Variants in DNAJB6 observed in about 807,000 individuals in gnomAD.
DNAJB6 encodes dnaJ homolog subfamily B member 6.
In DNAJB6, 16 loss-of-function variants were observed where a neutral mutation model predicts 42.7. The ratio of observed to expected loss-of-function variants is 0.37; its 90% CI spans 0.25 to 0.57. The LOEUF (loss-of-function observed/expected upper bound fraction) is 0.57, where lower values mean the gene tolerates loss of function less well. Ranked by LOEUF, DNAJB6 falls within the 20% of genes least tolerant of loss-of-function variation. DNAJB6 has a pLI of 0.74. For synonymous variants in DNAJB6, 170 were observed against 163.5 expected (o/e 1.04, Z -0.30); for missense variants, 347 against 416.8 (o/e 0.83, Z 1.46).
intron 5 of DNAJB6, among the ~76,000 whole-genome samples, chr7:157,376,634 A>C (rs1434543056): frequency 6.6e-6 from 1 of 152,170 alleles, no homozygotes; most frequent in East Asian, 1.9e-4. Flanking sequence ...TAATCCCTGC[A>C]CTTTGGGAGG....
chr7:157,341,621 T>C (rs1798386812), intron 1 of DNAJB6, among the ~76,000 whole-genome samples: 1 of 152,248 alleles, frequency 6.6e-6, no homozygotes, highest in East Asian at 1.9e-4. Flanking sequence ...TTATGAACTG[T>C]GTACTAATAC....
At chr7:157,339,006 A>T (rs1014142351) in intron 1 of DNAJB6, among the ~76,000 whole-genome samples, 1 of 152,180 alleles carries the variant, frequency 6.6e-6, no homozygotes, top group African/African-American at 2.4e-5. Flanking sequence ...CTGGATATGA[A>T]AGTGTTAGGT....
chr7:157,382,194 G>GAA, intron 5 of DNAJB6, 52 bp from the exon 6 acceptor site: 1 of 1,522,156 alleles, frequency 6.6e-7, no homozygotes, highest in Non-Finnish European at 8.8e-7. Flanking sequence ...ATCACATGAG[G>GAA]AAAAAAACTT....
chr7:157,351,661 C>CAA (rs996992597), intron 1 of DNAJB6, among the ~76,000 whole-genome samples: 6 of 36,386 alleles, frequency 1.6e-4, no homozygotes, highest in Non-Finnish European at 3.6e-4. Flanking sequence ...ACAACAACAA[C>CAA]AAAAAAAACC....
intron 8 of DNAJB6, among the ~76,000 whole-genome samples, chr7:157,407,315 G>T (rs1249700594): frequency 6.6e-6 from 1 of 152,232 alleles, no homozygotes; most frequent in African/African-American, 2.4e-5. Context: ...GGCTCTTCTG[G>T]CGGCAGTGAC....
intron 5 of DNAJB6, among the ~76,000 whole-genome samples, chr7:157,374,054 A>G (rs1160160774): frequency 2.6e-5 from 4 of 152,156 alleles, no homozygotes; most frequent in Non-Finnish European, 5.9e-5. Context: ...TGAAACCGTG[A>G]TGTACGAGAC....
chr7:157,351,370 T>G (rs1009892489), intron 1 of DNAJB6, among the ~76,000 whole-genome samples: 2 of 152,238 alleles, frequency 1.3e-5, no homozygotes, highest in Middle Eastern at 3.4e-3. Flanking sequence ...GGCTCATGTC[T>G]GTAATCCCAG....
chr7:157,343,816 T>C (rs1408368691), intron 1 of DNAJB6, among the ~76,000 whole-genome samples: 1 of 152,218 alleles, frequency 6.6e-6, no homozygotes, highest in Non-Finnish European at 1.5e-5. Flanking sequence ...AGAAGGTTAT[T>C]TTTGATTAAT....
intron 1 of DNAJB6, among the ~76,000 whole-genome samples, chr7:157,343,973 G>C (rs1318547576): frequency 1.3e-5 from 2 of 152,130 alleles, no homozygotes; most frequent in Non-Finnish European, 2.9e-5. Flanking sequence ...TAATTGAAAA[G>C]TTTTCTATGG....
At chr7:157,374,779 G>C (rs1800389032) in intron 5 of DNAJB6, among the ~76,000 whole-genome samples, 1 of 152,182 alleles carries the variant, frequency 6.6e-6, no homozygotes, top group Non-Finnish European at 1.5e-5. Flanking sequence ...CCCTCTAAAA[G>C]GCTTGAGCCA....
chr7:157,371,674 CTT>C (rs1284452263), intron 5 of DNAJB6, among the ~76,000 whole-genome samples: 1 of 152,204 alleles, frequency 6.6e-6, no homozygotes, highest in Non-Finnish European at 1.5e-5. Flanking sequence ...CAAATGAGCT[CTT>C]GTCGAAATGT....
intron 2 of DNAJB6, among the ~76,000 whole-genome samples, chr7:157,361,813 G>T (rs191472750): frequency 3.3e-5 from 5 of 152,264 alleles, no homozygotes; most frequent in African/African-American, 9.6e-5. Flanking sequence ...CTGTCACCTA[G>T]CCTGGAGTTC....
intron 1 of DNAJB6, among the ~76,000 whole-genome samples, chr7:157,348,057 A>G (rs944082689): frequency 2.6e-5 from 4 of 151,450 alleles, no homozygotes; most frequent in South Asian, 2.1e-4. Flanking sequence ...CAGCCTCCCA[A>G]AGTGCTGGGA....
At chr7:157,362,808 G>C (rs116328535) in intron 2 of DNAJB6, among the ~76,000 whole-genome samples, 1,582 of 152,072 alleles carry the variant, frequency 0.01, 23 homozygotes, top group African/African-American at 0.036. Flanking sequence ...ACTTTAATGA[G>C]TATTTTTACA....
At chr7:157,356,851 A>G (rs1444976686) in intron 1 of DNAJB6, among the ~76,000 whole-genome samples, 1 of 152,212 alleles carries the variant, frequency 6.6e-6, no homozygotes, top group African/African-American at 2.4e-5. Context: ...AACACCTAGA[A>G]TCTTTGCTGT....
chr7:157,385,711 C>G, intron 8 of DNAJB6, 100 bp downstream of exon 8: 1 of 1,563,774 alleles, frequency 6.4e-7, no homozygotes, highest in East Asian at 2.3e-5. Context: ...TTAACAGGAA[C>G]ATTTTTTTGA....
chr7:157,343,082 C>T (rs1362837935), intron 1 of DNAJB6, among the ~76,000 whole-genome samples: 1 of 151,810 alleles, frequency 6.6e-6, no homozygotes, highest in African/African-American at 2.4e-5. Context: ...ACCTTTGCCT[C>T]CCAGGCTCAA....
intron 1 of DNAJB6, among the ~76,000 whole-genome samples, chr7:157,349,539 G>C (rs1798864055): frequency 1.3e-5 from 2 of 152,034 alleles, no homozygotes; most frequent in South Asian, 2.1e-4. Context: ...TTGGCGTGCA[G>C]TGGTAAAATC....
rs151207456 is a variant in DNAJB6, at chr7:157,365,357, T to C, written c.176-1145T>C. On this transcript the variant is annotated intron_variant, in intron 3 of 9. Transcript: ENST00000262177. The stretch of plus-strand genomic sequence containing the variant: ...ATATAAGTAGCATTTGGAATGTAAG[T>C]GTGAAGACTGTCAGTGGAGAGGGGC... 4.7e-4 allele frequency among the ~76,000 whole-genome samples: 71 copies of C among 152,356 alleles called. 1 individual carries two copies. The East Asian group carries it at 0.012, about 25-fold the overall frequency.
Sources: gnomAD v4.1 joint callset for allele counts (sites outside exome capture counted in the v4.1 genomes callset) on GRCh38, gnomAD v4.1.1 for gene constraint, MANE v1.5 for transcripts, NCBI Gene and HGNC (gene_info 2026-07-23, HGNC 2026-07-21) for gene names.